Variants in GEMIN5 observed in about 807,000 individuals in gnomAD.
GEMIN5 encodes the protein gem nuclear organelle associated protein 5.
A neutral mutation model predicts 176.9 loss-of-function variants in GEMIN5; 124 were observed. The ratio of observed to expected loss-of-function variants is 0.70; its 90% CI spans 0.61 to 0.81. The LOEUF (loss-of-function observed/expected upper bound fraction) is 0.81, where lower values mean the gene tolerates loss of function less well. Ranked by LOEUF, GEMIN5 falls within the 40% of genes least tolerant of loss-of-function variation. The pLI, the probability that GEMIN5 is intolerant of heterozygous loss-of-function variation, is 0.00. For missense variants in GEMIN5, 1,843 were observed against 1,814.6 expected (o/e 1.02, Z -0.28); for synonymous variants, 673 against 665.2 (o/e 1.01, Z -0.18).
rs550394794 is a variant in GEMIN5, at chr5:154,902,473, T to G, written c.2866+66A>C. The G allele has an allele frequency of 2.0e-6, 3 of 1,480,278 alleles. No individual in the cohort carries two copies. The African/African-American group carries it at 4.2e-5, about 21-fold the overall frequency. The allele number at this position is 1,480,278 out of a possible 1,614,324, so 91.7% of individuals were successfully genotyped here. Reference sequence around the variant, plus strand: ...GCTTAAGACTGTGCTAAGAGCCATCTTTAGTGGACGTATCCTAGAGATGAT... The same window carrying G: ...GCTTAAGACTGTGCTAAGAGCCATCGTTAGTGGACGTATCCTAGAGATGAT... On this transcript the variant is annotated intron_variant, in intron 20 of 27. Transcript: ENST00000285873.
At position 154,911,612 on chromosome 5, in the gene GEMIN5, C is replaced by T. The variant is rs1184631501; in HGVS notation, c.2167+115G>A. The T allele has an allele frequency of 4.8e-6, 4 of 834,426 alleles. No individual in the cohort carries two copies. In the East Asian group the frequency reaches 7.6e-5, roughly 16 times the overall value. The allele number at this position is 834,426 out of a possible 1,614,324, so 51.7% of individuals were successfully genotyped here. ...GCTGCTTTCTTGCTTAGGCTCAGAC[C>T]CCTGCCCTACTGACACTAATGCCCT... is the stretch of plus-strand genomic sequence containing the variant. On this transcript the variant is annotated intron_variant, in intron 15 of 27. Transcript: ENST00000285873.
chr5:154,916,246 C>T (rs1249700244), intron 13 of GEMIN5, among the ~76,000 whole-genome samples: 1 of 151,364 alleles, frequency 6.6e-6, no homozygotes, highest in East Asian at 1.9e-4. Flanking sequence ...AAAAAGATGT[C>T]CATGATAAAT....
chr5:154,901,598 A>G, intron 20 of GEMIN5, 112 bp from the exon 21 acceptor site: 1 of 813,722 alleles, frequency 1.2e-6, no homozygotes, highest in Non-Finnish European at 2.0e-6. Context: ...TCAGCAGAAC[A>G]TTTAGATACC....
intron 4 of GEMIN5, among the ~76,000 whole-genome samples, 161 bp downstream of exon 4, chr5:154,931,938 G>A (rs552348127): frequency 2.0e-5 from 3 of 152,356 alleles, no homozygotes; most frequent in East Asian, 3.9e-4. Flanking sequence ...GCTTGAACCC[G>A]GGAGGCGGAG....
intron 9 of GEMIN5, 139 bp from the exon 10 acceptor site, chr5:154,921,564 G>C: frequency 1.7e-6 from 1 of 581,714 alleles, no homozygotes; most frequent in African/African-American, 2.0e-5. Context: ...ACAATATCTT[G>C]CTCCAAATAG....
intron 7 of GEMIN5, among the ~76,000 whole-genome samples, chr5:154,926,556 A>G (rs927034410): frequency 4.6e-5 from 7 of 152,252 alleles, no homozygotes; most frequent in African/African-American, 1.7e-4. Flanking sequence ...TCTACCAAAT[A>G]AGCCTAGCTT....
intron 3 of GEMIN5, among the ~76,000 whole-genome samples, chr5:154,934,812 C>T (rs909806205): frequency 2.6e-5 from 4 of 152,190 alleles, no homozygotes; most frequent in African/African-American, 9.6e-5. Flanking sequence ...TTCCTTAGTA[C>T]ATTCGTTTTC....
At position 154,919,989 on chromosome 5, in the gene GEMIN5, A is replaced by G. The variant is rs1294795987; in HGVS notation, c.1577T>C (p.Ile526Thr). The G allele has an allele frequency of 6.2e-7, 1 of 1,613,774 alleles. No homozygotes were observed. The highest frequency in any genetic ancestry group is 1.1e-5 in the South Asian group (1 of 91,040). ...CACTTTGATTGAATTGGTGTCCCTG[A>G]TGAGTTTGTTGATGTCAAAGGCTTC... is the stretch of plus-strand genomic sequence containing the variant. ...SGEAFDINKLIRDTNSIKYKL... is the reference protein window; with the variant it reads ...SGEAFDINKLTRDTNSIKYKL... The change falls in exon 11 of 28, where the codon ATC becomes ACC. Residue 526 changes from isoleucine to threonine, a missense_variant. Ile to Thr is a moderately conservative substitution (Grantham distance 89). Transcript: ENST00000285873.
chr5:154,900,387 C>A (rs1198797875), intron 21 of GEMIN5, among the ~76,000 whole-genome samples: 4 of 152,130 alleles, frequency 2.6e-5, no homozygotes, highest in African/African-American at 9.7e-5. Flanking sequence ...TACTTCCAGC[C>A]ATGATGGAGT....
intron 23 of GEMIN5, among the ~76,000 whole-genome samples, chr5:154,897,902 GTTTT>G (rs10714011): frequency 8.0e-6 from 1 of 125,106 alleles, no homozygotes; most frequent in Admixed American, 9.3e-5. Context: ...TGACTAAGGT[GTTTT>G]TTTTTGTGTT....
intron 12 of GEMIN5, among the ~76,000 whole-genome samples, chr5:154,917,713 G>A (rs1000166885): frequency 8.5e-5 from 13 of 152,176 alleles, no homozygotes; most frequent in African/African-American, 2.9e-4. Flanking sequence ...CCAAAATACA[G>A]TGTAGCCAAA....
chr5:154,911,101 T>C (rs10042134), intron 15 of GEMIN5, among the ~76,000 whole-genome samples: 144,660 of 152,256 alleles, frequency 0.95, 68,888 homozygotes, highest in South Asian at 0.99. Context: ...CTTTGAGTAC[T>C]GCCTTCCTTT....
intron 8 of GEMIN5, among the ~76,000 whole-genome samples, chr5:154,925,166 C>G (rs1463766458): frequency 6.6e-6 from 1 of 152,048 alleles, no homozygotes; most frequent in Non-Finnish European, 1.5e-5. Context: ...GCATTATACA[C>G]TGTCGAGTCG....
At chr5:154,894,952 G>A (rs1271588988) in intron 24 of GEMIN5, among the ~76,000 whole-genome samples, 19 of 151,594 alleles carry the variant, frequency 1.3e-4, no homozygotes, top group African/African-American at 4.6e-4. Flanking sequence ...GGTGGCACAT[G>A]CCTGTAATCC....
At chr5:154,926,430 A>G (rs1390251155) in intron 7 of GEMIN5, among the ~76,000 whole-genome samples, 2 of 152,146 alleles carry the variant, frequency 1.3e-5, no homozygotes, top group Non-Finnish European at 2.9e-5. Flanking sequence ...AGCACAGTGG[A>G]AAAATCAAAG....
At chr5:154,919,935 A>T in intron 11 of GEMIN5, 32 bp downstream of exon 11, 1 of 1,599,712 alleles carries the variant, frequency 6.3e-7, no homozygotes, top group Non-Finnish European at 8.5e-7. Context: ...TGTGATGTAA[A>T]AAGAAAATAC....
At chr5:154,906,425 C>T (rs188706433) in intron 16 of GEMIN5, among the ~76,000 whole-genome samples, 106 of 152,260 alleles carry the variant, frequency 7.0e-4, no homozygotes, top group African/African-American at 2.4e-3. Flanking sequence ...GTACTAATTG[C>T]ATATTTAATT....
chr5:154,901,884 T>C (rs1413476678), intron 20 of GEMIN5, among the ~76,000 whole-genome samples: 1 of 152,066 alleles, frequency 6.6e-6, no homozygotes, highest in Non-Finnish European at 1.5e-5. Context: ...ACTGCAGCCT[T>C]AACCTCCCCG....
intron 11 of GEMIN5, among the ~76,000 whole-genome samples, chr5:154,919,610 C>T (rs1305066000): frequency 2.0e-5 from 3 of 152,226 alleles, no homozygotes; most frequent in Non-Finnish European, 4.4e-5. Context: ...TTTACCACAG[C>T]ATCACTTTGG....
Sources: allele counts gnomAD v4.1 joint callset (sites outside exome capture counted in the v4.1 genomes callset), GRCh38; gene constraint gnomAD v4.1.1; transcripts MANE v1.5; gene names NCBI Gene and HGNC (gene_info 2026-07-23, HGNC 2026-07-21).